CHST11: variants seen among roughly 807,000 people sequenced by gnomAD.
CHST11 encodes the protein carbohydrate sulfotransferase 11.
Under a neutral mutation model 30.4 loss-of-function variants are expected in CHST11, and 9 were observed. That is an observed-to-expected ratio of 0.30 (90% CI 0.18 to 0.52). CHST11 has a LOEUF of 0.52. CHST11 is among the 20% of genes least tolerant of loss of function. The pLI, the probability that CHST11 is intolerant of heterozygous loss-of-function variation, is 0.97. For synonymous variants in CHST11, 152 were observed against 187.8 expected, an observed-to-expected ratio of 0.81 and a Z score of 1.56; for missense variants, 348 against 460.6, an observed-to-expected ratio of 0.76 and a Z score of 2.24.
At chr12:104,626,371 A>G (rs189738735) in intron 2 of CHST11, among the ~76,000 whole-genome samples, 1 of 152,122 alleles carries the variant, frequency 6.6e-6, no homozygotes, top group Admixed American at 6.5e-5. Flanking sequence ...TCTTACAATT[A>G]TGTCATTAAC....
chr12:104,667,162 CAG>C (rs970134764), intron 2 of CHST11, among the ~76,000 whole-genome samples: 2 of 152,164 alleles, frequency 1.3e-5, no homozygotes, highest in Non-Finnish European at 2.9e-5. Context: ...TTTGGTCCAG[CAG>C]AGTCTGGTTT....
chr12:104,522,278 TCA>T (rs1397738680), intron 1 of CHST11, among the ~76,000 whole-genome samples: 1 of 152,210 alleles, frequency 6.6e-6, no homozygotes, highest in Non-Finnish European at 1.5e-5. Flanking sequence ...TCAGTATATC[TCA>T]CTGAGCCGTG....
At chr12:104,695,979 G>A (rs537212876) in intron 2 of CHST11, among the ~76,000 whole-genome samples, 1 of 152,262 alleles carries the variant, frequency 6.6e-6, no homozygotes, top group East Asian at 1.9e-4. Context: ...CCCCACTTTG[G>A]CAGGGCTGCG....
intron 1 of CHST11, among the ~76,000 whole-genome samples, chr12:104,507,837 GC>G (rs917605235): frequency 5.3e-5 from 8 of 151,940 alleles, no homozygotes; most frequent in African/African-American, 1.9e-4. Context: ...TTTCTCACCC[GC>G]CCCCCACCAT....
At chr12:104,677,599 C>A (rs1385887884) in intron 2 of CHST11, among the ~76,000 whole-genome samples, 1 of 152,136 alleles carries the variant, frequency 6.6e-6, no homozygotes, top group Non-Finnish European at 1.5e-5. Flanking sequence ...TTCAGGGTGT[C>A]CATTTGAAAG....
chr12:104,599,902 A>G (rs1010925802), intron 1 of CHST11, among the ~76,000 whole-genome samples: 3 of 152,136 alleles, frequency 2.0e-5, no homozygotes, highest in African/African-American at 7.2e-5. Context: ...ATTAGATGAC[A>G]TTTTCCCAGA....
intron 1 of CHST11, among the ~76,000 whole-genome samples, chr12:104,537,296 G>T (rs1224476219): frequency 6.6e-6 from 1 of 152,198 alleles, no homozygotes; most frequent in Non-Finnish European, 1.5e-5. Flanking sequence ...TGGTGGGCTG[G>T]TGCTATCCAT....
At chr12:104,469,061 T>C (rs1402708076) in intron 1 of CHST11, among the ~76,000 whole-genome samples, 2 of 152,250 alleles carry the variant, frequency 1.3e-5, no homozygotes, top group Non-Finnish European at 2.9e-5. Flanking sequence ...CGTTCAAGGA[T>C]GTGAATCTCC....
At chr12:104,750,289 A>C (rs1483167682) in intron 2 of CHST11, among the ~76,000 whole-genome samples, 3 of 151,936 alleles carry the variant, frequency 2.0e-5, no homozygotes, top group Non-Finnish European at 4.4e-5. Flanking sequence ...CCTGACCCAC[A>C]GCAGTGAGCA....
intron 1 of CHST11, among the ~76,000 whole-genome samples, chr12:104,457,848 G>A (rs1379128946): frequency 6.6e-6 from 1 of 151,154 alleles, no homozygotes; most frequent in East Asian, 1.9e-4. Flanking sequence ...CTGTCTGCGA[G>A]GTAGCAGGGA....
rs537853119 is a variant in CHST11, at chr12:104,493,700, C to T, written c.118+36171C>T. ...TCAAAGTGACTCACCCTGGTAGGCA[C>T]GGAAAGACAAGAGAGACTTGGATGT... On this transcript the variant is annotated intron_variant, in intron 1 of 2. Transcript: ENST00000303694. Among the ~76,000 whole-genome samples, 10 of 152,276 alleles carry T rather than the reference C, an allele frequency of 6.6e-5. No homozygotes were observed. In the East Asian group the frequency reaches 1.2e-3, roughly 18 times the overall value.
At chr12:104,752,134 T>G (rs2040436614) in intron 2 of CHST11, among the ~76,000 whole-genome samples, 1 of 152,226 alleles carries the variant, frequency 6.6e-6, no homozygotes, top group African/African-American at 2.4e-5. Flanking sequence ...ATGCTCTCTC[T>G]GAAGGCTCCA....
At chr12:104,532,369 G>A (rs1302072807) in intron 1 of CHST11, among the ~76,000 whole-genome samples, 6 of 150,648 alleles carry the variant, frequency 4.0e-5, no homozygotes, top group African/African-American at 1.2e-4. Flanking sequence ...TTGGTTCCTA[G>A]GTTGTTTCTT....
intron 1 of CHST11, among the ~76,000 whole-genome samples, chr12:104,509,149 C>A (rs2037937707): frequency 6.6e-6 from 1 of 152,168 alleles, no homozygotes; most frequent in Admixed American, 6.5e-5. Context: ...GCAGGTCTTT[C>A]CTGTGCTGTT....
At chr12:104,493,741 C>A (rs2037772965) in intron 1 of CHST11, among the ~76,000 whole-genome samples, 1 of 152,232 alleles carries the variant, frequency 6.6e-6, no homozygotes, top group Non-Finnish European at 1.5e-5. Flanking sequence ...GACACATTTA[C>A]AGTTTGTGGA....
intron 1 of CHST11, among the ~76,000 whole-genome samples, chr12:104,506,114 A>G (rs891896292): frequency 6.6e-6 from 1 of 152,224 alleles, no homozygotes; most frequent in Non-Finnish European, 1.5e-5. Flanking sequence ...TGTGGAAGGA[A>G]TGTCCCAAAA....
intron 1 of CHST11, among the ~76,000 whole-genome samples, chr12:104,498,711 G>T (rs1469786717): frequency 6.6e-6 from 1 of 152,216 alleles, no homozygotes; most frequent in African/African-American, 2.4e-5. Context: ...AACTCTTAAT[G>T]ATTTCCGAGA....
chr12:104,751,002 G>GT (rs2040427455), intron 2 of CHST11, among the ~76,000 whole-genome samples: 1 of 152,130 alleles, frequency 6.6e-6, no homozygotes, highest in African/African-American at 2.4e-5. Flanking sequence ...GCCTTGTTGT[G>GT]GCAGGTGCAC....
chr12:104,474,524 A>C (rs1186255359), intron 1 of CHST11, among the ~76,000 whole-genome samples: 2 of 152,206 alleles, frequency 1.3e-5, no homozygotes, highest in Non-Finnish European at 2.9e-5. Context: ...TGTGCCTGTA[A>C]AAGCAAAATG....
Sources: gnomAD v4.1 joint callset for allele counts (sites outside exome capture counted in the v4.1 genomes callset) on GRCh38, gnomAD v4.1.1 for gene constraint, MANE v1.5 for transcripts, NCBI Gene and HGNC (gene_info 2026-07-23, HGNC 2026-07-21) for gene names.